PLPBP: variants seen among roughly 807,000 people sequenced by gnomAD.
The protein encoded by PLPBP is pyridoxal phosphate binding protein.
In PLPBP, 21 loss-of-function variants were observed where a neutral mutation model predicts 31.2. The ratio of observed to expected loss-of-function variants is 0.67; its 90% confidence interval spans 0.48 to 0.97. PLPBP has a LOEUF of 0.97. Among genes scored for constraint, PLPBP ranks in the 50% least tolerant of loss-of-function variants. PLPBP has a pLI of 0.00. For synonymous variants in PLPBP, 124 were observed against 135.6 expected (o/e 0.91, Z 0.59); for missense variants, 308 against 354.4 (o/e 0.87, Z 1.05).
intron 7 of PLPBP, among the ~76,000 whole-genome samples, chr8:37,776,884 A>C (rs993910436): frequency 1.3e-5 from 2 of 152,052 alleles, no homozygotes; most frequent in Non-Finnish European, 2.9e-5. Flanking sequence ...CTCCTGCTTC[A>C]GCCTCCCAAG....
chr8:37,767,776 T>G (rs1803672736), intron 4 of PLPBP, among the ~76,000 whole-genome samples: 1 of 151,836 alleles, frequency 6.6e-6, no homozygotes, highest in Non-Finnish European at 1.5e-5. Flanking sequence ...AACATAAAAT[T>G]TACTGTCTTG....
intron 5 of PLPBP, among the ~76,000 whole-genome samples, chr8:37,774,301 T>C (rs1301503054): frequency 2.0e-5 from 3 of 152,258 alleles, no homozygotes; most frequent in Non-Finnish European, 4.4e-5. Context: ...ATAGTGTGAA[T>C]AGAAGCATGG....
At position 37,768,313 on chromosome 8, in the gene PLPBP, A is replaced by G. The variant is rs112064310; in HGVS notation, c.319+1958A>G. ...GTAAAGTTCTTAAACTGTGTGAAGT[A>G]GTGTAACACACCTTGAAGGTGGACT... On this transcript the variant is annotated intron_variant, in intron 4 of 7. Coordinates refer to ENST00000328195, the MANE Select transcript of PLPBP (RefSeq NM_007198.4). 8.3e-3 allele frequency among the ~76,000 whole-genome samples: 1,272 copies of G among 152,344 alleles called. 11 individuals are homozygous for G. The highest frequency in any genetic ancestry group is 0.029 in the African/African-American group (1,192 of 41,568).
At chr8:37,768,768 C>T (rs1409382409) in intron 4 of PLPBP, among the ~76,000 whole-genome samples, 16 of 151,992 alleles carry the variant, frequency 1.1e-4, no homozygotes, top group East Asian at 3.9e-4. Context: ...CCACCACGCC[C>T]GGCGGTTTTG....
chr8:37,776,461 A>C (rs960291885), intron 7 of PLPBP, among the ~76,000 whole-genome samples: 1 of 141,010 alleles, frequency 7.1e-6, no homozygotes, highest in Non-Finnish European at 1.5e-5. Context: ...GGCTGGCAAC[A>C]GAGCGAGACT....
intron 4 of PLPBP, among the ~76,000 whole-genome samples, chr8:37,766,950 C>A (rs190713768): frequency 6.8e-6 from 1 of 147,214 alleles, no homozygotes; most frequent in East Asian, 2.1e-4. Flanking sequence ...AGGAGGCTGA[C>A]GCAGGAGAAT....
At chr8:37,762,567 G>T (rs1012946745), upstream of PLPBP, 1 of 1,499,028 alleles carries the variant, frequency 6.7e-7, no homozygotes, top group South Asian at 1.3e-5. Context: ...GATGAGCAAT[G>T]ATTGGTTCAC....
At chr8:37,765,144 C>T (rs1256813288) in intron 1 of PLPBP, among the ~76,000 whole-genome samples, 2 of 152,156 alleles carry the variant, frequency 1.3e-5, no homozygotes, top group African/African-American at 4.8e-5. Flanking sequence ...CACCATTGCA[C>T]TCCAGCCTGG....
intron 4 of PLPBP, among the ~76,000 whole-genome samples, chr8:37,768,836 T>TA (rs1453453141): frequency 6.6e-6 from 1 of 152,216 alleles, no homozygotes; most frequent in Non-Finnish European, 1.5e-5. Context: ...TGGCCATTTT[T>TA]ATGTCTTCTT....
At chr8:37,765,473 A>G (rs745322126) in intron 1 of PLPBP, 53 bp from the exon 2 acceptor site, 1 of 1,515,324 alleles carries the variant, frequency 6.6e-7, no homozygotes, top group Non-Finnish European at 9.2e-7. Context: ...TATGGGATTC[A>G]TTGGGGTACT....
Position 37,772,882 on chromosome 8 carries a change from A to G in PLPBP, c.447A>G (p.Gly149=). ...TTATGGTCCAGATTAACACCAGCGG[A>G]GAAGAGAGTAAGTAACCAGACCTGA... ...LKVMVQINTS[G]EESKHGLPPS... is the part of the protein sequence containing the mutation. The change falls in exon 5 of 8, where the codon GGA becomes GGG. Residue 149 remains glycine (G), a synonymous_variant. Coordinates refer to ENST00000328195, the MANE Select transcript of PLPBP (RefSeq NM_007198.4). The G allele has an allele frequency of 6.2e-7, 1 of 1,614,170 alleles. No individual in the cohort carries two copies. The highest frequency in any genetic ancestry group is 8.5e-7 in the Non-Finnish European group (1 of 1,180,006).
chr8:37,776,495 A>T lies in PLPBP; in HGVS notation c.696+479A>T, dbSNP rs1448131203. ...CTCCATCTCAAAAAAAAAAAAAAAA[A>T]AAAAAAAACAAAAGAAAGAAAAGAA... On this transcript the variant is annotated intron_variant, in intron 7 of 7. Transcript: ENST00000328195. Among the ~76,000 whole-genome samples the T allele has an allele frequency of 3.7e-3, 564 of 150,592 alleles. 5 individuals carry two copies. The highest frequency in any genetic ancestry group is 0.013 in the African/African-American group (535 of 41,270).
chr8:37,775,509 T>A, intron 6 of PLPBP, 28 bp downstream of exon 6: 1 of 1,612,630 alleles, frequency 6.2e-7, no homozygotes, highest in Non-Finnish European at 8.5e-7. Context: ...AGATTGCTCG[T>A]GTGCTAAAGA....
chr8:37,765,460 T>TC, intron 1 of PLPBP, 66 bp from the exon 2 acceptor site: 1 of 1,438,760 alleles, frequency 7.0e-7, no homozygotes, highest in Non-Finnish European at 9.8e-7. Context: ...ACAGGATCTA[T>TC]CCTATGGGAT....
At chr8:37,771,573 A>G (rs1273013459) in intron 4 of PLPBP, among the ~76,000 whole-genome samples, 1 of 152,132 alleles carries the variant, frequency 6.6e-6, no homozygotes, top group Non-Finnish European at 1.5e-5. Flanking sequence ...GGTGTGAGCC[A>G]CTGCACCTGA....
At chr8:37,769,014 G>A (rs73590995) in intron 4 of PLPBP, among the ~76,000 whole-genome samples, 3,566 of 152,064 alleles carry the variant, frequency 0.023, 135 homozygotes, top group African/African-American at 0.081. Flanking sequence ...GCTTTTCTAA[G>A]CAAGACATAA....
At chr8:37,777,832 A>G in intron 7 of PLPBP, 141 bp from the exon 8 acceptor site, 1 of 945,410 alleles carries the variant, frequency 1.1e-6, no homozygotes, top group Non-Finnish European at 1.5e-6. Context: ...CGGCCTCCCA[A>G]AATGCTGGGA....
At chr8:37,771,647 A>C (rs1252814000) in intron 4 of PLPBP, among the ~76,000 whole-genome samples, 4 of 152,002 alleles carry the variant, frequency 2.6e-5, no homozygotes, top group Admixed American at 6.6e-5. Context: ...AAAATGGACA[A>C]ATGGGATCAC....
At chr8:37,770,727 C>A (rs955338331) in intron 4 of PLPBP, among the ~76,000 whole-genome samples, 1 of 150,876 alleles carries the variant, frequency 6.6e-6, no homozygotes, top group Non-Finnish European at 1.5e-5. Flanking sequence ...ACAGGCACGC[C>A]CCACCATGCT....
Sources: gnomAD v4.1 joint callset for allele counts (sites outside exome capture counted in the v4.1 genomes callset) on GRCh38, gnomAD v4.1.1 for gene constraint, MANE v1.5 for transcripts, NCBI Gene and HGNC (gene_info 2026-07-23, HGNC 2026-07-21) for gene names.